Variants in CDC40 observed in about 807,000 individuals in gnomAD.
CDC40 encodes cell division cycle 40, also known as pre-mRNA-processing factor 17.
CDC40 carries 27 observed loss-of-function variants against 80.6 expected under a neutral mutation model. The observed-to-expected ratio is 0.33, with a 90% CI of 0.25 to 0.46. The LOEUF (loss-of-function observed/expected upper bound fraction) is 0.46. CDC40 is among the 20% of genes least tolerant of loss of function. The probability of loss-of-function intolerance (pLI) is 1.00; values close to 1 mark genes in which losing one functional copy is unlikely to be tolerated. For missense variants in CDC40, 486 were observed against 694.1 expected (o/e 0.70, Z 3.37); for synonymous variants, 221 against 232.6 (o/e 0.95, Z 0.45).
At chr6:110,220,620 A>AT (rs781179594) in intron 12 of CDC40, among the ~76,000 whole-genome samples, 1 of 151,578 alleles carries the variant, frequency 6.6e-6, no homozygotes, top group East Asian at 1.9e-4. Context: ...AATTTTTTGT[A>AT]TTTTTTAGTA....
At chr6:110,211,624 A>G (rs1160549476) in intron 6 of CDC40, 2 of 152,980 alleles carry the variant, frequency 1.3e-5, no homozygotes, top group Admixed American at 1.3e-4. Context: ...TAATTCTCAC[A>G]GGTGACTTTA....
Position 110,213,577 on chromosome 6 carries a change from G to A in CDC40, c.942+417G>A, listed in dbSNP as rs573902475. 3.3e-5 allele frequency among the ~76,000 whole-genome samples: 5 copies of A among 152,044 alleles called. No homozygotes were observed. In the South Asian group the frequency reaches 6.2e-4, roughly 19 times the overall value. On this transcript the variant is annotated intron_variant, in intron 8 of 14. Coordinates refer to ENST00000307731, the MANE Select transcript of CDC40 (RefSeq NM_015891.3). Reference sequence around the variant, plus strand: ...CCCTTTTTAAGCTTAGACAACTGATGAGAATGTAATCCAATCATTTTGGCT... The same window carrying A: ...CCCTTTTTAAGCTTAGACAACTGATAAGAATGTAATCCAATCATTTTGGCT...
chr6:110,196,078 C>T (rs906004329), intron 2 of CDC40, among the ~76,000 whole-genome samples: 24 of 152,178 alleles, frequency 1.6e-4, no homozygotes. Context: ...TCATCTCCTT[C>T]AGTCCTCACT....
intron 1 of CDC40, among the ~76,000 whole-genome samples, chr6:110,189,501 A>G (rs892791133): frequency 2.6e-5 from 4 of 152,222 alleles, no homozygotes; most frequent in African/African-American, 4.8e-5. Context: ...AAAAGGATCA[A>G]TTATGATTCC....
intron 1 of CDC40, among the ~76,000 whole-genome samples, chr6:110,181,011 A>G (rs960663118): frequency 2.0e-5 from 3 of 152,206 alleles, no homozygotes; most frequent in South Asian, 2.1e-4. Context: ...TTTTTGAAGA[A>G]CTAGGTTCTA....
intron 2 of CDC40, among the ~76,000 whole-genome samples, chr6:110,196,679 A>G (rs962260937): frequency 2.0e-5 from 3 of 152,046 alleles, no homozygotes; most frequent in African/African-American, 4.8e-5. Context: ...TAGAAATCAT[A>G]TAGCTCAAAT....
At chr6:110,227,160 G>T (rs1397642620) in intron 13 of CDC40, among the ~76,000 whole-genome samples, 1 of 152,154 alleles carries the variant, frequency 6.6e-6, no homozygotes, top group East Asian at 1.9e-4. Flanking sequence ...ATTTAATATT[G>T]TTTAATCCAT....
At position 110,219,834 on chromosome 6, in the gene CDC40, C is replaced by T; in HGVS notation, c.1305C>T (p.Ser435=). Residue 435 remains serine, a synonymous_variant, in exon 12 of 15, where the codon AGC becomes AGT. Coordinates refer to ENST00000307731, the MANE Select transcript of CDC40 (RefSeq NM_015891.3). ...VFVDENRRFV[S]TSDDKSLRVW... ...TGGATGAGAATAGGAGATTTGTGAG[C>T]ACATCTGATGATAAAAGCCTAAGAG... 2 of 1,613,936 alleles carry T rather than the reference C, an allele frequency of 1.2e-6. No homozygotes were observed. Among genetic ancestry groups the T allele is most frequent in the South Asian group, 1.1e-5 (1 of 91,062 alleles).
chr6:110,198,572 G>A (rs927554611), intron 2 of CDC40, among the ~76,000 whole-genome samples: 4 of 152,104 alleles, frequency 2.6e-5, no homozygotes, highest in Non-Finnish European at 5.9e-5. Context: ...CTGTTGAGTT[G>A]AGTTCCTTGT....
chr6:110,187,683 TTTATGTCTCTTTTCTTA>T (rs1777292623), intron 1 of CDC40, among the ~76,000 whole-genome samples: 1 of 152,218 alleles, frequency 6.6e-6, no homozygotes, highest in Admixed American at 6.5e-5. Flanking sequence ...ACATGGTGTT[TTTATGTCTCTTTTCTTA>T]TTTGGGCACA....
chr6:110,208,626 GTAATTTAGTT>G (rs1346596731), intron 4 of CDC40, among the ~76,000 whole-genome samples: 2 of 152,132 alleles, frequency 1.3e-5, no homozygotes, highest in Admixed American at 6.5e-5. Context: ...AGTACTTACA[GTAATTTAGTT>G]TAATTTAGTT....
In CDC40 at chr6:110,182,811, G is replaced by C. The variant is rs541504669; in HGVS notation, c.189+2178G>C. 3.9e-5 allele frequency among the ~76,000 whole-genome samples: 6 copies of C among 152,290 alleles called. No homozygotes were observed. In the South Asian group the frequency reaches 6.2e-4, roughly 16 times the overall value. On this transcript the variant is annotated intron_variant, in intron 1 of 14. Coordinates refer to ENST00000307731, the MANE Select transcript of CDC40 (RefSeq NM_015891.3). The stretch of plus-strand genomic sequence containing the variant: ...TTCAGACAGTTGTAGCCTTCTAACT[G>C]ATCTTTCTACTTCTTCCTTTCTTGT...
intron 3 of CDC40, among the ~76,000 whole-genome samples, chr6:110,204,828 G>GT (rs940029789): frequency 2.0e-4 from 30 of 149,796 alleles, no homozygotes; most frequent in African/African-American, 5.4e-4. Flanking sequence ...CATAGCTAAT[G>GT]TTTTTTTTTG....
At position 110,217,747 on chromosome 6, in the gene CDC40, C is replaced by T; in HGVS notation, c.1034C>T (p.Thr345Ile). ...GATATCTGCTTCAATACTGCAGGAACACAGTTCCTCAGTGCAGCCTATGAC... is the reference window on the plus strand; with the variant it reads ...GATATCTGCTTCAATACTGCAGGAATACAGTTCCTCAGTGCAGCCTATGAC... ...VRDICFNTAG[T>I]QFLSAAYDRY... The change falls in exon 10 of 15, where the codon ACA (threonine) becomes ATA (isoleucine). Residue 345 changes from threonine (T) to isoleucine (I), a missense_variant. Coordinates refer to ENST00000307731, the MANE Select transcript of CDC40 (RefSeq NM_015891.3). 6.2e-7 allele frequency: 1 copy of T among 1,608,864 alleles called. No individual in the cohort carries two copies. Among genetic ancestry groups the T allele is most frequent in the Non-Finnish European group, 8.5e-7 (1 of 1,175,332 alleles).
At chr6:110,202,393 A>AG (rs1253926116) in intron 3 of CDC40, among the ~76,000 whole-genome samples, 11 of 152,206 alleles carry the variant, frequency 7.2e-5, no homozygotes, top group Non-Finnish European at 1.5e-4. Context: ...TGCTTGTATA[A>AG]GGGGTCCCAT....
In CDC40 at chr6:110,193,254, A is replaced by AT; in HGVS notation, c.263dup (p.Met88IlefsTer5). 6.3e-7 allele frequency: 1 copy of AT among 1,598,672 alleles called. No individual in the cohort carries two copies. Among genetic ancestry groups the AT allele is most frequent in the South Asian group, 1.1e-5 (1 of 90,706 alleles). ...TCAGTATAATCCTACCTATGAGACC[A>AT]TGTTTGCTCCTGAGGTAAGAAAACA... On this transcript the variant is annotated frameshift_variant, in exon 2 of 15. Coordinates refer to ENST00000307731, the MANE Select transcript of CDC40 (RefSeq NM_015891.3). LOFTEE classifies it high-confidence loss of function.
chr6:110,188,328 C>T (rs989664026), intron 1 of CDC40, among the ~76,000 whole-genome samples: 15 of 152,064 alleles, frequency 9.9e-5, no homozygotes, highest in African/African-American at 2.9e-4. Context: ...GAATATTAAG[C>T]GGGAAAAGCA....
At position 110,193,206 on chromosome 6, in the gene CDC40, C is replaced by T; in HGVS notation, c.214C>T (p.Leu72Phe). 1 of 1,606,888 alleles carries T rather than the reference C, an allele frequency of 6.2e-7. No homozygotes were observed. The highest frequency in any genetic ancestry group is 8.5e-7 in the Non-Finnish European group (1 of 1,173,602). Residue 72 changes from leucine to phenylalanine, a missense_variant, in exon 2 of 15, where the codon CTT (leucine) becomes TTT (phenylalanine). By Grantham distance (22) the Leu-to-Phe change is conservative. Coordinates refer to ENST00000307731, the MANE Select transcript of CDC40 (RefSeq NM_015891.3). ...GGAAGATTTGGAGACTGGAGTTCACCTTGACCCTGCCGTCAAAGAAGTTCA... is the reference window on the plus strand; with the variant it reads ...GGAAGATTTGGAGACTGGAGTTCACTTTGACCCTGCCGTCAAAGAAGTTCA... ...VKEDLETGVHLDPAVKEVQYN... is the reference protein window; with the variant it reads ...VKEDLETGVHFDPAVKEVQYN...
chr6:110,211,560 G>A (rs1341704526), intron 6 of CDC40: 1 of 152,078 alleles, frequency 6.6e-6, no homozygotes, highest in Non-Finnish European at 1.5e-5. Context: ...CATTTATTGA[G>A]TACTTACTCT....
Sources: allele counts gnomAD v4.1 joint callset (sites outside exome capture counted in the v4.1 genomes callset), GRCh38; gene constraint gnomAD v4.1.1; transcripts MANE v1.5; gene names NCBI Gene and HGNC (gene_info 2026-07-23, HGNC 2026-07-21).